Variants in DSCAML1 observed in about 807,000 individuals in gnomAD.
The protein encoded by DSCAML1 is DS cell adhesion molecule like 1, also known as cell adhesion molecule DSCAML1.
Under a neutral mutation model 200.5 loss-of-function variants are expected in DSCAML1, and 38 were observed. That is an observed-to-expected ratio of 0.19 (90% CI 0.15 to 0.25). The LOEUF is 0.25. DSCAML1 is among the 10% of genes least tolerant of loss of function. The pLI is 1.00. For missense variants in DSCAML1, 2,223 were observed against 2,858.8 expected, an observed-to-expected ratio of 0.78 and a Z score of 5.07; for synonymous variants, 1,215 against 1,165.0, an observed-to-expected ratio of 1.04 and a Z score of -0.87.
At chr11:117,800,349 G>A (rs1386811433), upstream of DSCAML1, among the ~76,000 whole-genome samples, 3 of 152,216 alleles carry the variant, frequency 2.0e-5, no homozygotes, top group Non-Finnish European at 4.4e-5. Flanking sequence ...TTTTAGAGGG[G>A]CTATATTTTG....
chr11:117,721,953 C>T (rs1014118682), intron 3 of DSCAML1, among the ~76,000 whole-genome samples: 5 of 151,854 alleles, frequency 3.3e-5, no homozygotes, highest in African/African-American at 1.2e-4. Flanking sequence ...GTCATTTGTT[C>T]TTTACCAAGT....
intron 20 of DSCAML1, among the ~76,000 whole-genome samples, chr11:117,449,603 G>A (rs1266357929): frequency 1.3e-5 from 2 of 152,132 alleles, no homozygotes; most frequent in African/African-American, 2.4e-5. Flanking sequence ...GGAGGAGCAG[G>A]CCTCCTGCTC....
chr11:117,654,336 T>A (rs2052692173), intron 3 of DSCAML1, among the ~76,000 whole-genome samples: 1 of 152,160 alleles, frequency 6.6e-6, no homozygotes, highest in South Asian at 2.1e-4. Context: ...TAAATGGGTG[T>A]ATTGTATGGT....
At chr11:117,662,360 G>A (rs1054350990) in intron 3 of DSCAML1, among the ~76,000 whole-genome samples, 1 of 152,222 alleles carries the variant, frequency 6.6e-6, no homozygotes, top group Non-Finnish European at 1.5e-5. Flanking sequence ...CATGACAGAC[G>A]GCTTCGAAAT....
chr11:117,571,941 AC>A (rs1443841356), intron 3 of DSCAML1, among the ~76,000 whole-genome samples: 1 of 152,170 alleles, frequency 6.6e-6, no homozygotes, highest in Non-Finnish European at 1.5e-5. Context: ...CTACACTCCC[AC>A]CAGCGCCAAT....
intron 3 of DSCAML1, among the ~76,000 whole-genome samples, chr11:117,579,257 T>A (rs1239244446): frequency 6.6e-6 from 1 of 152,202 alleles, no homozygotes; most frequent in East Asian, 1.9e-4. Flanking sequence ...CCTCCAGAGC[T>A]TGCCATAACA....
intron 11 of DSCAML1, among the ~76,000 whole-genome samples, chr11:117,496,858 G>T (rs1188178564): frequency 6.6e-6 from 1 of 152,220 alleles, no homozygotes; most frequent in African/African-American, 2.4e-5. Flanking sequence ...GGCGAGGATG[G>T]AGATTGTTCC....
At chr11:117,700,593 A>G (rs1308018954) in intron 3 of DSCAML1, among the ~76,000 whole-genome samples, 1 of 152,188 alleles carries the variant, frequency 6.6e-6, no homozygotes, top group African/African-American at 2.4e-5. Flanking sequence ...GCTTTGCACT[A>G]TCGATAACTA....
chr11:117,675,525 C>T (rs1367802803), intron 3 of DSCAML1, among the ~76,000 whole-genome samples: 1 of 138,814 alleles, frequency 7.2e-6, no homozygotes, highest in East Asian at 2.1e-4. Context: ...CCATGTTTCC[C>T]AGGTTGATCT....
At chr11:117,770,712 G>C (rs2055022756) in intron 3 of DSCAML1, among the ~76,000 whole-genome samples, 1 of 151,982 alleles carries the variant, frequency 6.6e-6, no homozygotes, top group South Asian at 2.1e-4. Context: ...TTAGCGTCTT[G>C]AGCAAGGAAC....
rs373360532 is a variant in DSCAML1 at position 117,759,855 on chromosome 11, G to A, written c.511+16936C>T. ...AAACAGATTACAACAGGATCCCGAG[G>A]CAGACACATTTCTTCCCCTCCTGTA... On this transcript the variant is annotated intron_variant, in intron 3 of 32. Transcript: ENST00000651296. Among the ~76,000 whole-genome samples the A allele has an allele frequency of 1.5e-4, 23 of 152,280 alleles. No homozygotes were observed. In the South Asian group the frequency reaches 2.3e-3, roughly 15 times the overall value.
chr11:117,626,092 A>G (rs1001827525), intron 3 of DSCAML1, among the ~76,000 whole-genome samples: 1 of 152,092 alleles, frequency 6.6e-6, no homozygotes, highest in African/African-American at 2.4e-5. Context: ...CATTATCTGG[A>G]GCTGAGCTCT....
chr11:117,494,575 C>T (rs970819643), intron 11 of DSCAML1, among the ~76,000 whole-genome samples: 20 of 152,168 alleles, frequency 1.3e-4, no homozygotes, highest in African/African-American at 4.8e-4. Context: ...ACCGGCTGGG[C>T]ATGGGATTGT....
intron 3 of DSCAML1, among the ~76,000 whole-genome samples, chr11:117,739,357 C>T (rs536056750): frequency 2.1e-4 from 32 of 152,284 alleles, no homozygotes; most frequent in African/African-American, 7.0e-4. Context: ...CCTACTCAAT[C>T]GGAAACTCTG....
At chr11:117,597,455 T>C (rs2137500223) in intron 3 of DSCAML1, among the ~76,000 whole-genome samples, 1 of 152,270 alleles carries the variant, frequency 6.6e-6, no homozygotes. Flanking sequence ...AATTATTTCT[T>C]TTGTCTTTTT....
intron 3 of DSCAML1, chr11:117,611,457 G>A (rs1253877681): frequency 1.3e-5 from 2 of 152,158 alleles, no homozygotes; most frequent in Non-Finnish European, 2.9e-5. Flanking sequence ...AGCTCTGCAT[G>A]AGACATGAGA....
intron 3 of DSCAML1, among the ~76,000 whole-genome samples, chr11:117,769,247 TGTATATATTATATATTTTATATA>T (rs1565273571): frequency 1.2e-3 from 8 of 6,402 alleles, no homozygotes; most frequent in Non-Finnish European, 3.9e-3. Flanking sequence ...ATTTTATATA[TGTATATATTATATATTTTATATA>T]TTTATATATT....
chr11:117,462,880 T>A (rs943261414), intron 17 of DSCAML1, among the ~76,000 whole-genome samples: 2 of 152,216 alleles, frequency 1.3e-5, no homozygotes, highest in African/African-American at 4.8e-5. Context: ...CTGGAAACTT[T>A]CTTCTCCCCT....
Position 117,526,692 on chromosome 11 carries a change from AT to A in DSCAML1, c.659-1610del, listed in dbSNP as rs757980181. Among the ~76,000 whole-genome samples the A allele has an allele frequency of 1.3e-4, 19 of 151,898 alleles. 1 individual carries two copies. The highest frequency in any genetic ancestry group is 2.5e-4 in the Non-Finnish European group (17 of 67,930). The stretch of plus-strand genomic sequence containing the variant: ...GCCACCATGCCCAGCTAATTTTTGT[AT>A]TTTTAGTGGAGACGGAGTTTCACCA... On this transcript the variant is annotated intron_variant, in intron 4 of 32. Transcript: ENST00000651296.
Sources: gnomAD v4.1 joint callset for allele counts (sites outside exome capture counted in the v4.1 genomes callset) on GRCh38, gnomAD v4.1.1 for gene constraint, MANE v1.5 for transcripts, NCBI Gene and HGNC (gene_info 2026-07-23, HGNC 2026-07-21) for gene names.